Variants in SUFU observed in about 807,000 individuals in gnomAD.
SUFU encodes SUFU negative regulator of hedgehog signaling, also known as suppressor of fused homolog.
A neutral mutation model predicts 58.9 loss-of-function variants in SUFU; 7 were observed. That is an observed-to-expected ratio of 0.12 (90% CI 0.07 to 0.22). SUFU has a LOEUF of 0.22. Ranked by LOEUF, SUFU falls within the 10% of genes least tolerant of loss-of-function variation. SUFU has a pLI of 1.00. For missense variants in SUFU, 451 were observed against 641.3 expected, an observed-to-expected ratio of 0.70 and a Z score of 3.20; for synonymous variants, 232 against 254.8, an observed-to-expected ratio of 0.91 and a Z score of 0.85.
At chr10:102,520,269 G>C (rs1212134759) in intron 2 of SUFU, among the ~76,000 whole-genome samples, 15 of 138,652 alleles carry the variant, frequency 1.1e-4, no homozygotes, top group African/African-American at 4.1e-4. Flanking sequence ...CCAGGCTGGA[G>C]CACAATGGTG....
In SUFU at chr10:102,615,305, G is replaced by T; in HGVS notation, c.1060G>T (p.Ala354Ser). The T allele has an allele frequency of 6.2e-7, 1 of 1,614,158 alleles. No individual in the cohort carries two copies. Among genetic ancestry groups the T allele is most frequent in the Non-Finnish European group, 8.5e-7 (1 of 1,180,028 alleles). ...KDSLESDSSTAIIPHELIRTR... is the reference protein window; with the variant it reads ...KDSLESDSSTSIIPHELIRTR... ...CAGCCTGGAAAGTGACAGCTCCACG[G>T]CCATCATTCCCCATGAGCTGATTCG... Residue 354 changes from alanine (A) to serine (S), a missense_variant, in exon 9 of 12, where the codon GCC becomes TCC. Coordinates refer to ENST00000369902, the MANE Select transcript of SUFU (RefSeq NM_016169.4).
intron 8 of SUFU, among the ~76,000 whole-genome samples, chr10:102,600,960 C>T (rs770312513): frequency 1.8e-4 from 28 of 152,194 alleles, no homozygotes; most frequent in Non-Finnish European, 2.9e-4. Flanking sequence ...CCAGGTCATA[C>T]GACATATGGA....
intron 2 of SUFU, among the ~76,000 whole-genome samples, chr10:102,511,330 C>T (rs1162693055): frequency 2.6e-5 from 4 of 152,020 alleles, no homozygotes; most frequent in Non-Finnish European, 5.9e-5. Flanking sequence ...TTTGTATTGT[C>T]ATATCCTCTT....
At chr10:102,550,232 A>G (rs1377802647) in intron 3 of SUFU, 126 bp downstream of exon 3, 1 of 1,443,620 alleles carries the variant, frequency 6.9e-7, no homozygotes, top group Admixed American at 2.0e-5. Flanking sequence ...CCCCAATTCT[A>G]CCATGAGGAT....
chr10:102,551,194 C>T (rs1220111444), intron 3 of SUFU, among the ~76,000 whole-genome samples: 1 of 152,190 alleles, frequency 6.6e-6, no homozygotes, highest in Non-Finnish European at 1.5e-5. Flanking sequence ...CATTGTATGC[C>T]CTGTGGAACA....
chr10:102,526,836 C>T (rs1265766248), intron 2 of SUFU, among the ~76,000 whole-genome samples: 1 of 151,958 alleles, frequency 6.6e-6, no homozygotes, highest in Non-Finnish European at 1.5e-5. Context: ...AGTATAAAGG[C>T]CCTGAGGGCA....
At chr10:102,517,421 G>A (rs1161866689) in intron 2 of SUFU, among the ~76,000 whole-genome samples, 1 of 152,186 alleles carries the variant, frequency 6.6e-6, no homozygotes, top group Non-Finnish European at 1.5e-5. Flanking sequence ...CAAGAGACTT[G>A]GAAGCCTTTA....
At chr10:102,541,228 G>C (rs1375513556) in intron 2 of SUFU, among the ~76,000 whole-genome samples, 1 of 151,988 alleles carries the variant, frequency 6.6e-6, no homozygotes, top group African/African-American at 2.4e-5. Context: ...TATACAAAAA[G>C]GTATATTCAA....
chr10:102,503,055 T>A (rs1434900511), upstream of SUFU, among the ~76,000 whole-genome samples: 17 of 152,176 alleles, frequency 1.1e-4, no homozygotes, highest in Admixed American at 1.1e-3. Context: ...GATGTTTGGA[T>A]TTTGCAGATC....
chr10:102,630,435 T>C lies in SUFU; in HGVS notation c.*280T>C. Reference sequence around the variant, plus strand: ...CCTCCCTGCCTGCAGCCTGCACAGATTCTGGTTTGAGGTTTGACTCTGGAC... The same window carrying C: ...CCTCCCTGCCTGCAGCCTGCACAGACTCTGGTTTGAGGTTTGACTCTGGAC... On this transcript the variant is annotated 3_prime_UTR_variant, in exon 12 of 12. Transcript: ENST00000369902. The C allele has an allele frequency of 2.0e-6, 1 of 505,760 alleles. No individual in the cohort carries two copies. The highest frequency in any genetic ancestry group is 3.6e-6 in the Non-Finnish European group (1 of 276,464). 31.3% of individuals were successfully genotyped at this position (505,760 alleles called of 1,614,324 possible). A position where few individuals can be genotyped will look rare whatever the true frequency, so the allele number is the denominator to read the frequency against.
intron 2 of SUFU, among the ~76,000 whole-genome samples, chr10:102,518,323 A>G (rs893511213): frequency 3.3e-4 from 50 of 152,212 alleles, no homozygotes; most frequent in African/African-American, 1.2e-3. Flanking sequence ...GTCTGGATCC[A>G]GTAGTCACCA....
chr10:102,597,970 C>G (rs936278547), intron 7 of SUFU, among the ~76,000 whole-genome samples: 1 of 152,242 alleles, frequency 6.6e-6, no homozygotes, highest in Non-Finnish European at 1.5e-5. Flanking sequence ...CAGCCACTTA[C>G]ATATACATGT....
At position 102,619,587 on chromosome 10, in the gene SUFU, T is replaced by C; in HGVS notation, c.1296+2159T>C. On this transcript the variant is annotated intron_variant, in intron 10 of 11. Transcript: ENST00000369902. This position sits in a 1 kb window ranked among gnomAD's most constrained non-coding sequence, Gnocchi z 4.2. ...ACCCACCCTTGATCACCGAGGGGTT[T>C]CTCAGGCCCTTTCCAAGGAGCCCTG... 2.4e-6 allele frequency: 2 copies of C among 841,180 alleles called. No individual in the cohort carries two copies. The highest frequency in any genetic ancestry group is 6.3e-5 in the East Asian group (1 of 15,764). 52.1% of individuals were successfully genotyped at this position (841,180 alleles called of 1,614,324 possible).
chr10:102,545,228 T>C (rs1483466023), intron 2 of SUFU, among the ~76,000 whole-genome samples: 1 of 151,358 alleles, frequency 6.6e-6, no homozygotes, highest in Non-Finnish European at 1.5e-5. Flanking sequence ...TCCCACTGCC[T>C]CAGCACCCCC....
chr10:102,571,780 G>C (rs1211038292), intron 3 of SUFU, among the ~76,000 whole-genome samples: 2 of 152,194 alleles, frequency 1.3e-5, no homozygotes, highest in African/African-American at 4.8e-5. Context: ...AGGTCCTCTG[G>C]CCAGGGCCTT....
At chr10:102,562,753 T>A (rs979533108) in intron 3 of SUFU, among the ~76,000 whole-genome samples, 1 of 151,518 alleles carries the variant, frequency 6.6e-6, no homozygotes, top group African/African-American at 2.4e-5. Flanking sequence ...TAGCTGAGAA[T>A]GATGGTGCAT....
chr10:102,525,863 G>T (rs912466673), intron 2 of SUFU, among the ~76,000 whole-genome samples: 2 of 152,116 alleles, frequency 1.3e-5, no homozygotes, highest in African/African-American at 4.8e-5. Context: ...TAGTGCTGAG[G>T]ATACCATGGA....
At chr10:102,538,791 A>C (rs2062769221) in intron 2 of SUFU, among the ~76,000 whole-genome samples, 1 of 152,198 alleles carries the variant, frequency 6.6e-6, no homozygotes, top group Admixed American at 6.5e-5. Flanking sequence ...GTAGATAAGA[A>C]GAGAAGTAAA....
In SUFU at chr10:102,628,130, G is replaced by T. The variant is rs2063803238; in HGVS notation, c.1365+887G>T. The stretch of plus-strand genomic sequence containing the variant: ...GGGAGAACTCCTTCGCCTCCCAGGG[G>T]CCAGGCTTTCTACCAAGAGGGAGGC... On this transcript the variant is annotated intron_variant, in intron 11 of 11. Coordinates refer to ENST00000369902, the MANE Select transcript of SUFU (RefSeq NM_016169.4). This position sits in a 1 kb window ranked among gnomAD's most constrained non-coding sequence, Gnocchi z 4.5. Among the ~76,000 whole-genome samples the T allele has an allele frequency of 6.6e-6, 1 of 152,164 alleles. No individual in the cohort carries two copies. Among genetic ancestry groups the T allele is most frequent in the South Asian group, 2.1e-4 (1 of 4,830 alleles).
Sources: allele counts gnomAD v4.1 joint callset (sites outside exome capture counted in the v4.1 genomes callset), GRCh38; gene constraint gnomAD v4.1.1; non-coding constraint Gnocchi (gnomAD v3.1); transcripts MANE v1.5; gene names NCBI Gene and HGNC (gene_info 2026-07-23, HGNC 2026-07-21).